Variants in RADIL observed in about 807,000 individuals in gnomAD.
RADIL encodes ras-associating and dilute domain-containing protein.
RADIL carries 99 observed loss-of-function variants against 97.6 expected under a neutral mutation model. That is an observed-to-expected ratio of 1.01 (90% CI 0.86 to 1.20). The LOEUF is 1.20. Among genes scored for constraint, RADIL ranks in the 50% most tolerant of loss-of-function variants. The pLI is 0.00. For synonymous variants in RADIL, 803 were observed against 691.8 expected (o/e 1.16, Z -2.52); for missense variants, 1,765 against 1,498.9 (o/e 1.18, Z -2.93).
At chr7:4,882,523 A>G (rs371767327) in intron 1 of RADIL, among the ~76,000 whole-genome samples, 1 of 152,188 alleles carries the variant, frequency 6.6e-6, no homozygotes, top group Non-Finnish European at 1.5e-5. Context: ...AGCGGCGAGT[A>G]CAGGGAGTGA....
At chr7:4,825,531 C>T (rs977473560) in intron 5 of RADIL, among the ~76,000 whole-genome samples, 3 of 151,846 alleles carry the variant, frequency 2.0e-5, no homozygotes, top group Admixed American at 6.6e-5. Flanking sequence ...GCTCAGCCAG[C>T]GCCATCACAC....
intron 9 of RADIL, among the ~76,000 whole-genome samples, chr7:4,807,747 TCCTC>T (rs1404780589): frequency 2.2e-5 from 1 of 44,812 alleles, no homozygotes; most frequent in Admixed American, 2.9e-4. Flanking sequence ...CTGCCCTCCC[TCCTC>T]CCTTTCTCCC....
intron 2 of RADIL, among the ~76,000 whole-genome samples, chr7:4,848,682 T>A (rs1562448987): frequency 6.6e-6 from 1 of 151,568 alleles, no homozygotes. Context: ...ATTATTAATT[T>A]AAAAAAAAAC....
Position 4,801,765 on chromosome 7 carries a change from A to G in RADIL, c.2730T>C (p.Leu910=), listed in dbSNP as rs1782093920. 1.9e-6 allele frequency: 3 copies of G among 1,610,472 alleles called. No individual in the cohort carries two copies. Among genetic ancestry groups the G allele is most frequent in the East Asian group, 4.5e-5 (2 of 44,822 alleles). ...AGTCGGGGTCCCCAGGCTCAGGGCC[A>G]AGTGGAGTGCTGGGAGGCGTGAGCA... ...SCLLTPPSTP[L]GPEPGDPDWP... is the part of the protein sequence containing the mutation. The change falls in exon 12 of 15, where the codon CTT becomes CTC. Residue 910 remains leucine (L), a synonymous_variant. Coordinates refer to ENST00000399583, the MANE Select transcript of RADIL (RefSeq NM_018059.5).
At chr7:4,807,946 TCTCC>T (rs1408455896) in intron 9 of RADIL, among the ~76,000 whole-genome samples, 3 of 55,932 alleles carry the variant, frequency 5.4e-5, no homozygotes, top group Non-Finnish European at 9.5e-5. Context: ...CTCCCTCTCC[TCTCC>T]CTCCCTGTCT....
At position 4,815,456 on chromosome 7, in the gene RADIL, G is replaced by A. The variant is rs1303382002; in HGVS notation, c.1967-6C>T. On this transcript the variant is annotated splice_polypyrimidine_tract_variant and splice_region_variant and intron_variant, in intron 8 of 14. Coordinates refer to ENST00000399583, the MANE Select transcript of RADIL (RefSeq NM_018059.5). The surrounding 1 kb of genome is among the most constrained non-coding windows in gnomAD (Gnocchi z 8.0). ...GAAGCAGCTCAGGGAGGGGCCTGTG[G>A]AGGGAAGAAGGGAGGGTGATGCCTG... 6.6e-7 allele frequency: 1 copy of A among 1,504,128 alleles called. No homozygotes were observed. Among genetic ancestry groups the A allele is most frequent in the Non-Finnish European group, 8.9e-7 (1 of 1,123,532 alleles). 93.2% of individuals were successfully genotyped at this position (1,504,128 alleles called of 1,614,324 possible). A position where few individuals can be genotyped will look rare whatever the true frequency, so the allele number is the denominator to read the frequency against.
intron 2 of RADIL, among the ~76,000 whole-genome samples, chr7:4,869,968 C>CA (rs917080383): frequency 5.3e-5 from 8 of 151,610 alleles, no homozygotes; most frequent in African/African-American, 1.9e-4. Flanking sequence ...TCATCTCTAC[C>CA]AAAAAAAATA....
intron 2 of RADIL, chr7:4,860,039 T>C (rs1425683801): frequency 6.2e-7 from 1 of 1,613,888 alleles, no homozygotes; most frequent in East Asian, 2.2e-5. Context: ...AATACTTTCG[T>C]TTAATGCAAC....
chr7:4,838,089 G>C, intron 2 of RADIL: 1 of 981,128 alleles, frequency 1.0e-6, no homozygotes, highest in Non-Finnish European at 1.2e-6. Flanking sequence ...CGTGAGGGAG[G>C]CCGCCCAGCC....
At chr7:4,812,159 G>A (rs1381817630) in intron 9 of RADIL, among the ~76,000 whole-genome samples, 1 of 152,222 alleles carries the variant, frequency 6.6e-6, no homozygotes, top group East Asian at 1.9e-4. Flanking sequence ...AGGATTACAG[G>A]TGGGCGCTAC....
At chr7:4,828,801 G>A (rs994097336) in intron 5 of RADIL, among the ~76,000 whole-genome samples, 32 of 152,210 alleles carry the variant, frequency 2.1e-4, no homozygotes, top group Non-Finnish European at 1.0e-4. Context: ...AGGTCCTAAC[G>A]ATGACGGTTC....
rs1236896465 is a variant in RADIL at position 4,805,624 on chromosome 7, CATGGCCGAGG to C, written c.2222_2231del (p.Ala741GlyfsTer4). 4 of 1,611,778 alleles carry C rather than the reference CATGGCCGAGG, an allele frequency of 2.5e-6. No individual in the cohort carries two copies. The highest frequency in any genetic ancestry group is 3.4e-6 in the Non-Finnish European group (4 of 1,179,846). On this transcript the variant is annotated frameshift_variant, in exon 10 of 15. Coordinates refer to ENST00000399583, the MANE Select transcript of RADIL (RefSeq NM_018059.5). LOFTEE classifies it high-confidence loss of function. ...CTGGCTCCCAGGTGCTCATGGGGCC[CATGGCCGAGG>C]CCAGCTGGTAGTGAGTCAGCAGCCG...
At chr7:4,841,460 G>A (rs1050776776) in intron 2 of RADIL, among the ~76,000 whole-genome samples, 27 of 152,310 alleles carry the variant, frequency 1.8e-4, no homozygotes, top group Admixed American at 4.6e-4. Context: ...ACCCACAAGC[G>A]CTGGGAGAGC....
At chr7:4,846,191 G>A (rs1021441849) in intron 2 of RADIL, among the ~76,000 whole-genome samples, 2 of 150,464 alleles carry the variant, frequency 1.3e-5, no homozygotes, top group African/African-American at 2.4e-5. Flanking sequence ...GTGCAGTGGT[G>A]CGATCTTGGC....
In RADIL at chr7:4,819,561, G is replaced by A. The variant is rs1048459441; in HGVS notation, c.1616-2210C>T. Among the ~76,000 whole-genome samples, 10 of 152,180 alleles carry A rather than the reference G, an allele frequency of 6.6e-5. No individual in the cohort carries two copies. The highest frequency in any genetic ancestry group is 1.7e-4 in the African/African-American group (7 of 41,442). On this transcript the variant is annotated intron_variant, in intron 6 of 14. Transcript: ENST00000399583. The surrounding 1 kb of genome is among the most constrained non-coding windows in gnomAD (Gnocchi z 5.8). The stretch of plus-strand genomic sequence containing the variant: ...GAAGAAGGCGCTGAGCTCCAGCCAC[G>A]AGGAGAATCTGAGGCGCACACGATG...
rs908997368 is a variant in RADIL at position 4,798,195 on chromosome 7, C to T, written c.*1183G>A. The T allele has an allele frequency of 6.6e-6, 1 of 151,570 alleles. No individual in the cohort carries two copies. Among genetic ancestry groups the T allele is most frequent in the Non-Finnish European group, 1.5e-5 (1 of 67,962 alleles). 9.4% of individuals were successfully genotyped at this position (151,570 alleles called of 1,614,324 possible). ...GGGAACCTGGCAGTGGTCGCCGTTTCGAGCCAGGCGCAATGCGGAGCCGCA... is the reference window on the plus strand; with the variant it reads ...GGGAACCTGGCAGTGGTCGCCGTTTTGAGCCAGGCGCAATGCGGAGCCGCA... On this transcript the variant is annotated 3_prime_UTR_variant, in exon 15 of 15. Transcript: ENST00000399583.
chr7:4,827,559 G>A (rs1159010802), intron 5 of RADIL, among the ~76,000 whole-genome samples: 3 of 152,160 alleles, frequency 2.0e-5, no homozygotes, highest in South Asian at 2.1e-4. Flanking sequence ...TACTCGGGAG[G>A]CTGAGGCAGG....
intron 2 of RADIL, among the ~76,000 whole-genome samples, chr7:4,863,349 A>G (rs752884431): frequency 1.3e-5 from 2 of 152,174 alleles, no homozygotes; most frequent in Non-Finnish European, 2.9e-5. Flanking sequence ...TAATTATTCT[A>G]ATTCCGAATG....
rs1241573105 is a variant in RADIL at position 4,866,760 on chromosome 7, T to C, written c.535+10845A>G. Among the ~76,000 whole-genome samples the C allele has an allele frequency of 2.6e-5, 4 of 152,296 alleles. No individual in the cohort carries two copies. In the East Asian group the frequency reaches 7.7e-4, roughly 29 times the overall value. On this transcript the variant is annotated intron_variant, in intron 2 of 14. Coordinates refer to ENST00000399583, the MANE Select transcript of RADIL (RefSeq NM_018059.5). ...GTGCTATGGTTTGGATGGGGTTTGT[T>C]TGTCCCCACTAAAACTCATGTTGGA...
Sources: allele counts gnomAD v4.1 joint callset (sites outside exome capture counted in the v4.1 genomes callset), GRCh38; gene constraint gnomAD v4.1.1; non-coding constraint Gnocchi (gnomAD v3.1); transcripts MANE v1.5; gene names NCBI Gene and HGNC (gene_info 2026-07-23, HGNC 2026-07-21).